GRK5: variants seen among roughly 807,000 people sequenced by gnomAD.
GRK5 encodes the protein g protein-coupled receptor kinase GRK5.
Under a neutral mutation model 78.4 loss-of-function variants are expected in GRK5, and 40 were observed. That is an observed-to-expected ratio of 0.51 (90% confidence interval 0.40 to 0.66). The LOEUF (loss-of-function observed/expected upper bound fraction) is 0.66. GRK5 is among the 30% of genes least tolerant of loss of function. GRK5 has a pLI of 0.00. For missense variants in GRK5, 598 were observed against 759.9 expected (o/e 0.79, Z 2.50); for synonymous variants, 289 against 296.8 (o/e 0.97, Z 0.27).
rs530383746 is a variant in GRK5 at position 119,317,751 on chromosome 10, CGT to C, written c.53-8756_53-8755del. 8.6e-4 allele frequency among the ~76,000 whole-genome samples: 130 copies of C among 151,814 alleles called. 2 individuals carry two copies. The highest frequency in any genetic ancestry group is 1.8e-4 in the Non-Finnish European group (12 of 67,910). The stretch of plus-strand genomic sequence containing the variant: ...ATATTTTTCAGTCAACTTTTCCAAG[CGT>C]GTGTGTGTCTCTTCAGGTCCTTTTT... On this transcript the variant is annotated intron_variant, in intron 1 of 15. Coordinates refer to ENST00000392870, the MANE Select transcript of GRK5 (RefSeq NM_005308.3).
chr10:119,327,741 A>C (rs924233616), intron 2 of GRK5, among the ~76,000 whole-genome samples: 10 of 152,086 alleles, frequency 6.6e-5, no homozygotes, highest in East Asian at 3.9e-4. Flanking sequence ...TCCACACTCC[A>C]TGTTTATAGG....
rs112540965 is a variant in GRK5 at position 119,283,694 on chromosome 10, G to T, written c.53-42822G>T. ...TTTCTAATGCTGATGGCTTCCCTGAGATCCCAGAGTCATCAAGGGTCACCC... is the reference window on the plus strand; with the variant it reads ...TTTCTAATGCTGATGGCTTCCCTGATATCCCAGAGTCATCAAGGGTCACCC... On this transcript the variant is annotated intron_variant, in intron 1 of 15. Coordinates refer to ENST00000392870, the MANE Select transcript of GRK5 (RefSeq NM_005308.3). 1.6e-3 allele frequency among the ~76,000 whole-genome samples: 249 copies of T among 152,286 alleles called. 2 individuals carry two copies. The highest frequency in any genetic ancestry group is 5.8e-3 in the African/African-American group (240 of 41,568).
chr10:119,306,502 T>G (rs1009132628), intron 1 of GRK5, among the ~76,000 whole-genome samples: 1 of 152,114 alleles, frequency 6.6e-6, no homozygotes, highest in African/African-American at 2.4e-5. Flanking sequence ...TGATGTGAAA[T>G]GGAAGCCCAG....
intron 2 of GRK5, among the ~76,000 whole-genome samples, chr10:119,332,107 ATT>A (rs35213335): frequency 5.9e-4 from 78 of 131,572 alleles, no homozygotes; most frequent in Admixed American, 6.1e-4. Context: ...TGTAATTTTG[ATT>A]TTTTTTTTTT....
At chr10:119,323,506 T>C (rs1435264568) in intron 1 of GRK5, among the ~76,000 whole-genome samples, 2 of 152,108 alleles carry the variant, frequency 1.3e-5, no homozygotes, top group African/African-American at 2.4e-5. Flanking sequence ...AGGGTGGCCC[T>C]ATCTGGGCGT....
chr10:119,443,069 G>A (rs538146696), intron 11 of GRK5, among the ~76,000 whole-genome samples: 2 of 152,110 alleles, frequency 1.3e-5, no homozygotes, highest in South Asian at 2.1e-4. Context: ...CCAGACATAC[G>A]TGCTGATGCT....
chr10:119,452,398 A>C lies in GRK5; in HGVS notation c.1405-273A>C, dbSNP rs893195869. The C allele has an allele frequency of 5.0e-5, 21 of 419,324 alleles. No individual in the cohort carries two copies. The highest frequency in any genetic ancestry group is 9.1e-5 in the Non-Finnish European group (21 of 230,194). The allele number at this position is 419,324 out of a possible 1,614,324, so 26.0% of individuals were successfully genotyped here. A position where few individuals can be genotyped will look rare whatever the true frequency, so the allele number is the denominator to read the frequency against. On this transcript the variant is annotated intron_variant, in intron 13 of 15. Transcript: ENST00000392870. The surrounding 1 kb of genome is among the most constrained non-coding windows in gnomAD (Gnocchi z 4.4). The stretch of plus-strand genomic sequence containing the variant: ...AGCCAGGGTCCCCGTCATGGATCTG[A>C]GAGAGGGCTGCACTGTCATCTGGAG...
At chr10:119,228,603 C>T (rs1004284085) in intron 1 of GRK5, among the ~76,000 whole-genome samples, 4 of 151,740 alleles carry the variant, frequency 2.6e-5, no homozygotes, top group African/African-American at 9.7e-5. Context: ...CCTGGGGTGA[C>T]GAGTGAGACC....
At chr10:119,320,785 G>A (rs1477007430) in intron 1 of GRK5, among the ~76,000 whole-genome samples, 1 of 152,248 alleles carries the variant, frequency 6.6e-6, no homozygotes, top group Non-Finnish European at 1.5e-5. Context: ...GCCTATGGGT[G>A]GTCAGGCCTG....
chr10:119,310,187 A>C (rs1850336092), intron 1 of GRK5, among the ~76,000 whole-genome samples: 1 of 152,216 alleles, frequency 6.6e-6, no homozygotes, highest in East Asian at 1.9e-4. Context: ...AGCGGAAGTA[A>C]TTAGTACTCA....
intron 3 of GRK5, 53 bp from the exon 4 acceptor site, chr10:119,396,642 T>C: frequency 1.4e-6 from 2 of 1,433,706 alleles, no homozygotes. Flanking sequence ...TCTGTAACTA[T>C]AAGAAGCTCA....
At chr10:119,358,232 A>T (rs1851297328) in intron 2 of GRK5, among the ~76,000 whole-genome samples, 1 of 152,126 alleles carries the variant, frequency 6.6e-6, no homozygotes, top group Non-Finnish European at 1.5e-5. Flanking sequence ...CGCAGCATGC[A>T]TGGCTGGTCC....
At chr10:119,255,057 A>AG (rs397820137) in intron 1 of GRK5, among the ~76,000 whole-genome samples, 1 of 146,940 alleles carries the variant, frequency 6.8e-6, no homozygotes, top group East Asian at 2.0e-4. Flanking sequence ...AAAAAAAAAA[A>AG]GAAGGAAAAA....
intron 2 of GRK5, among the ~76,000 whole-genome samples, chr10:119,362,646 A>G (rs1851384915): frequency 6.6e-6 from 1 of 152,230 alleles, no homozygotes; most frequent in African/African-American, 2.4e-5. Flanking sequence ...TGAGATACGA[A>G]CACGTGCTTT....
chr10:119,408,986 G>T (rs954011298), intron 4 of GRK5, among the ~76,000 whole-genome samples: 7 of 152,150 alleles, frequency 4.6e-5, no homozygotes, highest in African/African-American at 1.4e-4. Flanking sequence ...AAAGACAAAA[G>T]TTCCCACTGA....
chr10:119,239,419 T>C lies in GRK5; in HGVS notation c.52+31450T>C, dbSNP rs1465081705. ...TTGACTAAATTTTTTGTATTTTTAG[T>C]AGAGATGGGGTTTTGCCGTGTTGCC... On this transcript the variant is annotated intron_variant, in intron 1 of 15. Transcript: ENST00000392870. Among the ~76,000 whole-genome samples, 3 of 152,182 alleles carry C rather than the reference T, an allele frequency of 2.0e-5. No individual in the cohort carries two copies. The East Asian group carries it at 5.8e-4, about 29-fold the overall frequency.
intron 3 of GRK5, among the ~76,000 whole-genome samples, chr10:119,389,833 CA>C (rs1348633817): frequency 2.9e-5 from 4 of 139,488 alleles, no homozygotes; most frequent in African/African-American, 7.9e-5. Flanking sequence ...CACACACACA[CA>C]CACCCAACAC....
In GRK5 at chr10:119,431,128, G is replaced by A. The variant is rs1852808554; in HGVS notation, c.598-259G>A. Among the ~76,000 whole-genome samples, 1 of 152,196 alleles carries A rather than the reference G, an allele frequency of 6.6e-6. No homozygotes were observed. The highest frequency in any genetic ancestry group is 2.4e-5 in the African/African-American group (1 of 41,460). ...CCCAGTCAGTTATCTAAGCCTTGGT[G>A]TGAGTGGCTCATTCTGCCCCTTCCA... On this transcript the variant is annotated intron_variant, in intron 7 of 15. Transcript: ENST00000392870. The surrounding 1 kb of genome is among the most constrained non-coding windows in gnomAD (Gnocchi z 4.8).
intron 6 of GRK5, among the ~76,000 whole-genome samples, chr10:119,429,839 G>T (rs1043989321): frequency 1.3e-5 from 2 of 152,112 alleles, no homozygotes; most frequent in African/African-American, 4.8e-5. Context: ...GGTCTTCTGG[G>T]CCAGCAGCAG....
Sources: gnomAD v4.1 joint callset for allele counts (sites outside exome capture counted in the v4.1 genomes callset) on GRCh38, gnomAD v4.1.1 for gene constraint, Gnocchi (gnomAD v3.1) non-coding constraint, MANE v1.5 for transcripts, NCBI Gene and HGNC (gene_info 2026-07-23, HGNC 2026-07-21) for gene names.